CDH13: variants seen among roughly 807,000 people sequenced by gnomAD.
CDH13 encodes the protein cadherin 13.
In CDH13, 24 loss-of-function variants were observed where a neutral mutation model predicts 63.8. The ratio of observed to expected loss-of-function variants is 0.38; its 90% CI spans 0.27 to 0.53. CDH13 has a LOEUF of 0.53. CDH13 is among the 20% of genes least tolerant of loss of function. The pLI, the probability that CDH13 is intolerant of heterozygous loss-of-function variation, is 0.85. For missense variants in CDH13, 1,049 were observed against 903.1 expected, an observed-to-expected ratio of 1.16 and a Z score of -2.07; for synonymous variants, 503 against 355.3, an observed-to-expected ratio of 1.42 and a Z score of -4.67.
rs545504017 is a variant in CDH13 at position 82,866,792 on chromosome 16, C to G, written c.157+8319C>G. Among the ~76,000 whole-genome samples the G allele has an allele frequency of 7.9e-5, 12 of 152,152 alleles. No individual in the cohort carries two copies. In the East Asian group the frequency reaches 1.2e-3, roughly 15 times the overall value. On this transcript the variant is annotated intron_variant, in intron 2 of 13. Coordinates refer to ENST00000567109, the MANE Select transcript of CDH13 (RefSeq NM_001257.5). ...CACAAGGAGGCAGGAAGGAGAAGTGCCGAGATAAGGGGGAAGAGCCCTTTA... is the reference window on the plus strand; with the variant it reads ...CACAAGGAGGCAGGAAGGAGAAGTGGCGAGATAAGGGGGAAGAGCCCTTTA...
At chr16:82,774,857 T>C (rs2035424582) in intron 1 of CDH13, among the ~76,000 whole-genome samples, 1 of 152,174 alleles carries the variant, frequency 6.6e-6, no homozygotes, top group Non-Finnish European at 1.5e-5. Flanking sequence ...GGCTATCCCC[T>C]CCTATGGCTC....
chr16:82,822,618 C>T (rs2038056647), intron 1 of CDH13, among the ~76,000 whole-genome samples: 1 of 152,120 alleles, frequency 6.6e-6, no homozygotes, highest in African/African-American at 2.4e-5. Context: ...CCTTAGCCTT[C>T]TGAATAGCTG....
chr16:82,671,642 T>C (rs960990174), intron 1 of CDH13, among the ~76,000 whole-genome samples: 2 of 152,190 alleles, frequency 1.3e-5, no homozygotes, highest in East Asian at 1.9e-4. Flanking sequence ...CCCCAGTCTT[T>C]TGCCCAGATA....
intron 7 of CDH13, among the ~76,000 whole-genome samples, chr16:83,510,415 A>G (rs187791761): frequency 3.7e-4 from 57 of 152,310 alleles, no homozygotes; most frequent in African/African-American, 1.3e-3. Context: ...AATGATAGAG[A>G]TAGGTGGACT....
intron 1 of CDH13, among the ~76,000 whole-genome samples, chr16:82,653,631 G>A (rs867273033): frequency 6.6e-6 from 1 of 152,120 alleles, no homozygotes; most frequent in Non-Finnish European, 1.5e-5. Context: ...GGGCTGCAGG[G>A]GTAGGAGGGA....
intron 5 of CDH13, among the ~76,000 whole-genome samples, chr16:83,313,371 C>G (rs147723608): frequency 2.0e-5 from 3 of 152,304 alleles, no homozygotes; most frequent in African/African-American, 2.4e-5. Context: ...GCAGCTTTCT[C>G]TATATACCAT....
chr16:83,013,642 C>G (rs1003357684), intron 2 of CDH13, among the ~76,000 whole-genome samples: 1 of 152,218 alleles, frequency 6.6e-6, no homozygotes. Context: ...AAGTCAGTAA[C>G]TTGTCTATTC....
At chr16:82,915,032 T>G (rs967816212) in intron 2 of CDH13, among the ~76,000 whole-genome samples, 1 of 152,218 alleles carries the variant, frequency 6.6e-6, no homozygotes, top group Non-Finnish European at 1.5e-5. Context: ...GGTCTAAACT[T>G]TCACTGAATC....
At chr16:83,239,592 G>A (rs146842908) in intron 5 of CDH13, among the ~76,000 whole-genome samples, 1 of 152,172 alleles carries the variant, frequency 6.6e-6, no homozygotes, top group African/African-American at 2.4e-5. Context: ...AATAGGCATA[G>A]CATCATTCCA....
rs1001585090 is a variant in CDH13, at chr16:82,949,146, T to C, written c.158-82864T>C. 3.3e-5 allele frequency among the ~76,000 whole-genome samples: 5 copies of C among 152,182 alleles called. No homozygotes were observed. In the South Asian group the frequency reaches 8.3e-4, roughly 25 times the overall value. On this transcript the variant is annotated intron_variant, in intron 2 of 13. Transcript: ENST00000567109. ...TGGGTGACTTAAAACAGAAACTACTTGTCTCATAGCTCTGGAAGCTAGAAG... is the reference window on the plus strand; with the variant it reads ...TGGGTGACTTAAAACAGAAACTACTCGTCTCATAGCTCTGGAAGCTAGAAG...
intron 5 of CDH13, among the ~76,000 whole-genome samples, chr16:83,317,389 A>G (rs908438136): frequency 2.6e-5 from 4 of 152,180 alleles, no homozygotes; most frequent in East Asian, 1.9e-4. Context: ...GTCAAAGCCT[A>G]TGCTTGTGTT....
chr16:83,790,624 C>T (rs943642343), intron 13 of CDH13, among the ~76,000 whole-genome samples: 10 of 151,982 alleles, frequency 6.6e-5, no homozygotes, highest in Non-Finnish European at 7.4e-5. Context: ...TGGATGGTCT[C>T]GATCTCCCGA....
At chr16:83,775,732 A>G (rs941342732) in intron 11 of CDH13, among the ~76,000 whole-genome samples, 1 of 152,090 alleles carries the variant, frequency 6.6e-6, no homozygotes, top group East Asian at 1.9e-4. Context: ...ATAAAAAAAA[A>G]GAAAAAAGAA....
intron 6 of CDH13, among the ~76,000 whole-genome samples, chr16:83,358,458 A>G (rs1450217709): frequency 6.6e-6 from 1 of 152,174 alleles, no homozygotes; most frequent in Non-Finnish European, 1.5e-5. Context: ...GCGGAATGCC[A>G]TGGCAGCCCT....
chr16:83,117,699 G>A (rs1322532251), intron 3 of CDH13, among the ~76,000 whole-genome samples: 1 of 152,008 alleles, frequency 6.6e-6, no homozygotes, highest in Non-Finnish European at 1.5e-5. Context: ...TAGTTAATAT[G>A]AATCTATTCT....
At chr16:83,727,123 T>G (rs1910502950) in intron 10 of CDH13, among the ~76,000 whole-genome samples, 1 of 152,112 alleles carries the variant, frequency 6.6e-6, no homozygotes, top group Non-Finnish European at 1.5e-5. Context: ...GCCCTCGATT[T>G]TAGAACATTT....
At chr16:83,754,511 A>C (rs926193376) in intron 11 of CDH13, among the ~76,000 whole-genome samples, 3 of 152,066 alleles carry the variant, frequency 2.0e-5, no homozygotes, top group African/African-American at 7.2e-5. Context: ...TCCCCACCCA[A>C]ATCTCATCTT....
intron 6 of CDH13, among the ~76,000 whole-genome samples, chr16:83,350,993 A>G (rs764331569): frequency 7.9e-5 from 12 of 152,102 alleles, no homozygotes; most frequent in Non-Finnish European, 1.5e-4. Flanking sequence ...GGAAGTTGCT[A>G]TTTTCCAAAA....
At chr16:83,580,717 G>C (rs1033534702) in intron 7 of CDH13, among the ~76,000 whole-genome samples, 4 of 151,950 alleles carry the variant, frequency 2.6e-5, no homozygotes, top group African/African-American at 9.7e-5. Flanking sequence ...GGTTGGTCTT[G>C]AACTCCTGAG....
Sources: allele counts gnomAD v4.1 joint callset (sites outside exome capture counted in the v4.1 genomes callset), GRCh38; gene constraint gnomAD v4.1.1; transcripts MANE v1.5; gene names NCBI Gene and HGNC (gene_info 2026-07-23, HGNC 2026-07-21).